Variants in NUDT3 observed in about 807,000 individuals in gnomAD.
NUDT3 encodes nudix hydrolase 3, also known as diphosphoinositol polyphosphate phosphohydrolase 1.
NUDT3 carries 9 observed loss-of-function variants against 23.6 expected under a neutral mutation model. That is an observed-to-expected ratio of 0.38 (90% CI 0.23 to 0.66). NUDT3 has a LOEUF of 0.66. NUDT3 is among the 30% of genes least tolerant of loss of function. The pLI, the probability that NUDT3 is intolerant of heterozygous loss-of-function variation, is 0.52. For missense variants in NUDT3, 172 were observed against 218.5 expected (o/e 0.79, Z 1.34); for synonymous variants, 86 against 82.6 (o/e 1.04, Z -0.22).
chr6:34,341,776 T>G, intron 2 of NUDT3, 86 bp downstream of exon 2: 1 of 1,151,876 alleles, frequency 8.7e-7, no homozygotes, highest in Admixed American at 2.5e-5. Context: ...ATTTATTCAG[T>G]GAGTGCTGAC....
intron 1 of NUDT3, among the ~76,000 whole-genome samples, chr6:34,351,025 C>T (rs181737055): frequency 1.6e-4 from 24 of 149,110 alleles, no homozygotes; most frequent in South Asian, 2.1e-4. Flanking sequence ...CTTTGGGATG[C>T]GCACTGACAG....
At chr6:34,297,762 T>A (rs1218572242) in intron 2 of NUDT3, among the ~76,000 whole-genome samples, 1,535 of 103,828 alleles carry the variant, frequency 0.015, 75 homozygotes, top group African/African-American at 0.068. Context: ...TATATATAAT[T>A]TTTTTTTTTT....
rs1764310407 is a variant in NUDT3 at position 34,342,992 on chromosome 6, C to T, written c.100-1020G>A. ...CATCCTCAGTCCCTCTTGTTCCTGT[C>T]ATAAGAGATTCTTCTGATGCTCATC... On this transcript the variant is annotated intron_variant, in intron 1 of 4. Coordinates refer to ENST00000607016, the MANE Select transcript of NUDT3 (RefSeq NM_006703.4). 2.6e-5 allele frequency among the ~76,000 whole-genome samples: 4 copies of T among 152,146 alleles called. No individual in the cohort carries two copies. The South Asian group carries it at 8.3e-4, about 32-fold the overall frequency.
intron 1 of NUDT3, among the ~76,000 whole-genome samples, chr6:34,363,348 C>A (rs1219798639): frequency 6.6e-6 from 1 of 152,188 alleles, no homozygotes; most frequent in Non-Finnish European, 1.5e-5. Context: ...GTCACTTTCA[C>A]TCAAGGCAGG....
intron 2 of NUDT3, among the ~76,000 whole-genome samples, chr6:34,306,598 C>T (rs186045699): frequency 2.4e-4 from 36 of 152,366 alleles, no homozygotes; most frequent in Admixed American, 2.1e-3. Context: ...GGACTCATTT[C>T]ATTTCGCAGA....
intron 2 of NUDT3, among the ~76,000 whole-genome samples, chr6:34,326,416 G>A (rs760379728): frequency 2.6e-5 from 4 of 152,094 alleles, no homozygotes; most frequent in African/African-American, 4.8e-5. Flanking sequence ...GTTAAAATTC[G>A]GAACACAGCT....
intron 1 of NUDT3, among the ~76,000 whole-genome samples, chr6:34,351,321 A>T (rs1217933352): frequency 6.8e-6 from 1 of 147,912 alleles, no homozygotes; most frequent in African/African-American, 2.6e-5. Context: ...AAAAAAAATT[A>T]GCCAGACCTA....
At chr6:34,347,151 TA>T (rs1764384634) in intron 1 of NUDT3, among the ~76,000 whole-genome samples, 1 of 152,224 alleles carries the variant, frequency 6.6e-6, no homozygotes, top group South Asian at 2.1e-4. Context: ...AGTAAATTCT[TA>T]TTCTGAAGTT....
At chr6:34,331,607 C>T (rs1332729966) in intron 2 of NUDT3, among the ~76,000 whole-genome samples, 4 of 152,210 alleles carry the variant, frequency 2.6e-5, no homozygotes, top group African/African-American at 4.8e-5. Context: ...GAACTAACCA[C>T]ACTTTTTAAA....
At chr6:34,293,999 A>AT (rs1165993407) in intron 3 of NUDT3, among the ~76,000 whole-genome samples, 2 of 151,672 alleles carry the variant, frequency 1.3e-5, no homozygotes, top group East Asian at 3.9e-4. Context: ...CACTTACCTT[A>AT]TTTTTTGAGA....
intron 2 of NUDT3, among the ~76,000 whole-genome samples, chr6:34,337,159 T>G (rs1011163780): frequency 1.3e-5 from 2 of 152,210 alleles, no homozygotes; most frequent in Non-Finnish European, 2.9e-5. Flanking sequence ...ATTCTAAAGT[T>G]CAAAGCAGTT....
intron 2 of NUDT3, among the ~76,000 whole-genome samples, chr6:34,306,050 T>C (rs576205384): frequency 2.0e-5 from 3 of 152,354 alleles, no homozygotes; most frequent in Non-Finnish European, 4.4e-5. Flanking sequence ...TTAATGGTGT[T>C]ATTTAACCTC....
intron 2 of NUDT3, among the ~76,000 whole-genome samples, chr6:34,313,002 A>G (rs891329934): frequency 6.6e-6 from 1 of 152,066 alleles, no homozygotes; most frequent in Non-Finnish European, 1.5e-5. Context: ...CCCCCTCTCT[A>G]CTAAAACTAC....
intron 4 of NUDT3, among the ~76,000 whole-genome samples, chr6:34,290,401 C>CTTTTTTTT (rs952499361): frequency 4.7e-5 from 5 of 107,322 alleles, no homozygotes; most frequent in Middle Eastern, 5.4e-3. Flanking sequence ...GCTGCTGCTT[C>CTTTTTTTT]TTTTTTTTTT....
At position 34,288,571 on chromosome 6, in the gene NUDT3, G is replaced by T. The variant is rs917273495; in HGVS notation, c.*182C>A. ...CCAACCCCCACCCTCAATAAAAACA[G>T]AAGAAAAAGCCCCATCACTTAACAC... On this transcript the variant is annotated 3_prime_UTR_variant, in exon 5 of 5. Coordinates refer to ENST00000607016, the MANE Select transcript of NUDT3 (RefSeq NM_006703.4). 1.3e-6 allele frequency: 1 copy of T among 792,968 alleles called. No individual in the cohort carries two copies. The highest frequency in any genetic ancestry group is 1.9e-6 in the Non-Finnish European group (1 of 533,048). The allele number at this position is 792,968 out of a possible 1,614,324, so 49.1% of individuals were successfully genotyped here. A position where few individuals can be genotyped will look rare whatever the true frequency, so the allele number is the denominator to read the frequency against.
intron 1 of NUDT3, among the ~76,000 whole-genome samples, chr6:34,380,736 T>G (rs1182145601): frequency 6.6e-6 from 1 of 152,176 alleles, no homozygotes; most frequent in Admixed American, 6.5e-5. Context: ...CTCTCTTTCT[T>G]CCAGCACAGA....
intron 2 of NUDT3, among the ~76,000 whole-genome samples, chr6:34,312,890 G>T (rs181303635): frequency 2.0e-5 from 3 of 152,328 alleles, no homozygotes; most frequent in African/African-American, 7.2e-5. Flanking sequence ...GAGAGGGCCA[G>T]GCATGGTGGC....
At chr6:34,359,641 T>C (rs1376528166) in intron 1 of NUDT3, among the ~76,000 whole-genome samples, 5 of 152,224 alleles carry the variant, frequency 3.3e-5, no homozygotes, top group African/African-American at 1.2e-4. Context: ...AATTTATGTA[T>C]ACACCATATA....
In NUDT3 at chr6:34,288,184, A is replaced by G. The variant is rs1025185122; in HGVS notation, c.*569T>C. ...CTCAATTCTAGAAATGCCCAAATTA[A>G]AAGAGAAAAAAACCTTGAAAAATTA... is the stretch of plus-strand genomic sequence containing the variant. On this transcript the variant is annotated 3_prime_UTR_variant, in exon 5 of 5. Transcript: ENST00000607016. 2.6e-5 allele frequency: 4 copies of G among 152,202 alleles called. No individual in the cohort carries two copies. The highest frequency in any genetic ancestry group is 5.9e-5 in the Non-Finnish European group (4 of 68,038). The allele number at this position is 152,202 out of a possible 1,614,324, so 9.4% of individuals were successfully genotyped here.
Sources: gnomAD v4.1 joint callset for allele counts (sites outside exome capture counted in the v4.1 genomes callset) on GRCh38, gnomAD v4.1.1 for gene constraint, MANE v1.5 for transcripts, NCBI Gene and HGNC (gene_info 2026-07-23, HGNC 2026-07-21) for gene names.